SBF2: variants seen among roughly 807,000 people sequenced by gnomAD.
SBF2 encodes myotubularin-related protein 13.
In SBF2, 112 loss-of-function variants were observed where a neutral mutation model predicts 225.2. The observed-to-expected ratio is 0.50, with a 90% CI of 0.43 to 0.58. The LOEUF (loss-of-function observed/expected upper bound fraction) is 0.58. Among genes scored for constraint, SBF2 ranks in the 20% least tolerant of loss-of-function variants. SBF2 has a pLI of 0.00. For synonymous variants in SBF2, 763 were observed against 773.3 expected, an observed-to-expected ratio of 0.99 and a Z score of 0.22; for missense variants, 1,996 against 2,206.2, an observed-to-expected ratio of 0.90 and a Z score of 1.91.
intron 34 of SBF2, among the ~76,000 whole-genome samples, chr11:9,789,782 C>T (rs1221238505): frequency 1.3e-5 from 2 of 152,198 alleles, no homozygotes; most frequent in African/African-American, 2.4e-5. Context: ...TACTTTTTGC[C>T]ATTCTTTGGG....
intron 16 of SBF2, among the ~76,000 whole-genome samples, chr11:9,898,838 G>A (rs981835114): frequency 8.5e-5 from 13 of 152,122 alleles, no homozygotes; most frequent in African/African-American, 2.9e-4. Context: ...ACATTTATTG[G>A]AGAAATGAAT....
chr11:10,016,948 C>G (rs1029823997), intron 6 of SBF2: 3 of 152,112 alleles, frequency 2.0e-5, no homozygotes, highest in Non-Finnish European at 4.4e-5. Flanking sequence ...ACTGAATTGT[C>G]TCACCTTCTG....
At position 10,271,594 on chromosome 11, in the gene SBF2, T is replaced by C. The variant is rs549344971; in HGVS notation, c.55+22421A>G. ...TCTTCATTTAGGAATTATAAATTCA[T>C]GAGAAAAGAACAAATTTTTTATGGA... On this transcript the variant is annotated intron_variant, in intron 1 of 39. Coordinates refer to ENST00000256190, the MANE Select transcript of SBF2 (RefSeq NM_030962.4). Among the ~76,000 whole-genome samples, 3 of 137,744 alleles carry C rather than the reference T, an allele frequency of 2.2e-5. No individual in the cohort carries two copies. In the East Asian group the frequency reaches 6.0e-4, roughly 28 times the overall value. The allele number at this position is 137,744 out of a possible 152,430, so 90.4% of individuals were successfully genotyped here.
At position 9,832,402 on chromosome 11, in the gene SBF2, G is replaced by A. The variant is rs376295625; in HGVS notation, c.3474C>T (p.Val1158=). The A allele has an allele frequency of 3.5e-5, 57 of 1,613,400 alleles. No homozygotes were observed. Among genetic ancestry groups the A allele is most frequent in the South Asian group, 5.5e-5 (5 of 91,050 alleles). ...TACTGTCCTGTACAGCTTGAGGTAC[G>A]ACTAAAAGGCCAGGATAGCTTCAGA... The part of the protein sequence containing the change: ...SLCRSYPGLL[V]VPQAVQDSSL... Residue 1158 remains valine, a synonymous_variant, in exon 27 of 40, where the codon GTC becomes GTT. Transcript: ENST00000256190.
At chr11:10,135,265 G>T (rs1954291529) in intron 2 of SBF2, among the ~76,000 whole-genome samples, 1 of 151,986 alleles carries the variant, frequency 6.6e-6, no homozygotes, top group Admixed American at 6.6e-5. Flanking sequence ...CCTGGGCCTG[G>T]CCCAGGAAAC....
intron 12 of SBF2, among the ~76,000 whole-genome samples, chr11:9,991,725 C>T (rs1947449394): frequency 6.6e-6 from 1 of 152,240 alleles, no homozygotes; most frequent in Admixed American, 6.5e-5. Flanking sequence ...GTCACATCTG[C>T]CCTATTTCTC....
At chr11:10,092,989 A>C (rs1436664128) in intron 2 of SBF2, among the ~76,000 whole-genome samples, 1 of 151,494 alleles carries the variant, frequency 6.6e-6, no homozygotes, top group African/African-American at 2.4e-5. Flanking sequence ...CAAGTATTGA[A>C]GTCACAATTC....
At chr11:10,187,447 T>C (rs1188534477) in intron 2 of SBF2, among the ~76,000 whole-genome samples, 1 of 152,146 alleles carries the variant, frequency 6.6e-6, no homozygotes, top group Non-Finnish European at 1.5e-5. Flanking sequence ...GCCTAGTAGA[T>C]AACTGCCTGG....
chr11:10,200,427 C>T (rs916837553), intron 1 of SBF2, among the ~76,000 whole-genome samples: 2 of 151,916 alleles, frequency 1.3e-5, no homozygotes, highest in African/African-American at 4.8e-5. Flanking sequence ...TATTATTGTT[C>T]TAGACAATTA....
intron 12 of SBF2, among the ~76,000 whole-genome samples, chr11:9,990,204 G>A (rs1270618784): frequency 6.6e-6 from 1 of 152,100 alleles, no homozygotes; most frequent in Non-Finnish European, 1.5e-5. Context: ...TAAATAGATG[G>A]ATGACAAAAA....
intron 2 of SBF2, among the ~76,000 whole-genome samples, chr11:10,090,827 TC>T (rs1951755890): frequency 7.0e-6 from 1 of 142,740 alleles, no homozygotes; most frequent in Non-Finnish European, 1.5e-5. Flanking sequence ...AAACAGTAAT[TC>T]CCCTCTTCCT....
intron 1 of SBF2, among the ~76,000 whole-genome samples, chr11:10,234,090 T>G (rs1241458874): frequency 2.0e-5 from 3 of 152,240 alleles, no homozygotes; most frequent in Non-Finnish European, 4.4e-5. Context: ...AGATTTAAAA[T>G]TATAATTCTA....
At chr11:9,858,494 G>A in intron 17 of SBF2, 98 bp from the exon 18 acceptor site, 1 of 1,242,168 alleles carries the variant, frequency 8.1e-7, no homozygotes, top group Non-Finnish European at 1.2e-6. Flanking sequence ...GAGATCAAAG[G>A]ATTTCTCTAA....
intron 16 of SBF2, chr11:9,928,946 CA>C: frequency 2.2e-6 from 1 of 447,808 alleles, no homozygotes; most frequent in Non-Finnish European, 4.3e-6. Context: ...TGTTCGAGTT[CA>C]AAACGGGTCA....
intron 2 of SBF2, among the ~76,000 whole-genome samples, chr11:10,130,117 C>T (rs1953964608): frequency 6.6e-6 from 1 of 152,116 alleles, no homozygotes; most frequent in South Asian, 2.1e-4. Flanking sequence ...AATACCAGCA[C>T]TTTGGGAGGC....
intron 2 of SBF2, among the ~76,000 whole-genome samples, chr11:10,063,858 C>CACACACAGAGAGAGAGAG (rs373423157): frequency 3.7e-5 from 5 of 136,172 alleles, no homozygotes; most frequent in African/African-American, 1.1e-4. Flanking sequence ...CACACACACA[C>CACACACAGAGAGAGAGAG]AGAGAGAGAG....
chr11:10,194,662 C>A (rs961226045), intron 1 of SBF2, among the ~76,000 whole-genome samples: 1 of 152,154 alleles, frequency 6.6e-6, no homozygotes, highest in Non-Finnish European at 1.5e-5. Flanking sequence ...AGGCACCCAC[C>A]ACCATGCCCA....
At chr11:9,946,661 G>A (rs1197118903) in intron 16 of SBF2, among the ~76,000 whole-genome samples, 2 of 152,044 alleles carry the variant, frequency 1.3e-5, no homozygotes, top group African/African-American at 4.8e-5. Flanking sequence ...TGTTGGTAAG[G>A]CTGGTCTCGA....
intron 6 of SBF2, among the ~76,000 whole-genome samples, chr11:10,014,195 T>C (rs1207070167): frequency 1.3e-5 from 2 of 152,178 alleles, no homozygotes; most frequent in African/African-American, 2.4e-5. Context: ...TCATTTCTAC[T>C]GGGGTGACTT....
Sources: gnomAD v4.1 joint callset for allele counts (sites outside exome capture counted in the v4.1 genomes callset) on GRCh38, gnomAD v4.1.1 for gene constraint, MANE v1.5 for transcripts, NCBI Gene and HGNC (gene_info 2026-07-23, HGNC 2026-07-21) for gene names.